The following RPAP2 variants were observed in gnomAD, a reference collection of about 807,000 sequenced individuals.
RPAP2 encodes putative RNA polymerase II subunit B1 CTD phosphatase RPAP2.
RPAP2 carries 52 observed loss-of-function variants against 73.1 expected under a neutral mutation model. That is an observed-to-expected ratio of 0.71 (90% confidence interval 0.57 to 0.90). RPAP2 has a LOEUF of 0.90. RPAP2 is among the 40% of genes least tolerant of loss of function. The pLI is 0.00. For missense variants in RPAP2, 598 were observed against 701.8 expected (o/e 0.85, Z 1.67); for synonymous variants, 225 against 242.1 (o/e 0.93, Z 0.65).
At position 92,344,360 on chromosome 1, in the gene RPAP2, A is replaced by G. The variant is rs1021514432; in HGVS notation, c.1620-1486A>G. Among the ~76,000 whole-genome samples the G allele has an allele frequency of 2.0e-5, 3 of 152,114 alleles. No homozygotes were observed. The East Asian group carries it at 5.8e-4, about 29-fold the overall frequency. ...GTGGAGGTTGCAGTGAGCTGAGAGC[A>G]TGCCACTGCACTCCAGCCTGGGTGA... is the stretch of plus-strand genomic sequence containing the variant. On this transcript the variant is annotated intron_variant, in intron 10 of 12. Coordinates refer to ENST00000610020, the MANE Select transcript of RPAP2 (RefSeq NM_024813.3).
At chr1:92,333,218 A>G (rs1653077891) in intron 8 of RPAP2, 173 bp from the exon 9 acceptor site, 8 of 569,600 alleles carry the variant, frequency 1.4e-5, no homozygotes, top group Middle Eastern at 4.8e-4. Flanking sequence ...AGAAGTTCAC[A>G]ACAGCCTAAC....
intron 11 of RPAP2, among the ~76,000 whole-genome samples, chr1:92,367,502 C>G (rs1214172772): frequency 6.6e-6 from 1 of 152,152 alleles, no homozygotes; most frequent in African/African-American, 2.4e-5. Context: ...CCTTCCCAGC[C>G]CTAACTTCTG....
Position 92,324,247 on chromosome 1 carries a change from A to G in RPAP2, c.1327A>G (p.Ile443Val). ...SLPFRGSGTA[I>V]KPLPSYENLK... ...ACCTTTTAGGGGCTCAGGTACAGCC[A>G]TTAAACCACTGCCAAGTTACGAGAA... Residue 443 changes from isoleucine to valine, a missense_variant, in exon 8 of 13, where the codon ATT becomes GTT. This residue lies in a region of RPAP2 where 506 missense variants were observed against 612.8 expected (regional missense o/e 0.83). Coordinates refer to ENST00000610020, the MANE Select transcript of RPAP2 (RefSeq NM_024813.3). 6.2e-7 allele frequency: 1 copy of G among 1,614,120 alleles called. No individual in the cohort carries two copies. The highest frequency in any genetic ancestry group is 8.5e-7 in the Non-Finnish European group (1 of 1,179,974).
chr1:92,300,378 C>T, intron 2 of RPAP2, 139 bp downstream of exon 2: 1 of 672,982 alleles, frequency 1.5e-6, no homozygotes, highest in South Asian at 1.9e-5. Flanking sequence ...CTGGGAAGGC[C>T]TATAAATTCT....
intron 11 of RPAP2, among the ~76,000 whole-genome samples, chr1:92,374,657 G>A (rs920910735): frequency 1.3e-5 from 2 of 152,128 alleles, no homozygotes; most frequent in Admixed American, 6.5e-5. Flanking sequence ...CATAGTAGGC[G>A]GATAAAATGT....
chr1:92,305,513 T>C (rs1225250445), intron 5 of RPAP2, among the ~76,000 whole-genome samples: 1 of 143,902 alleles, frequency 6.9e-6, no homozygotes, highest in Non-Finnish European at 1.5e-5. Flanking sequence ...TGGAAAATTA[T>C]AGGCCAAAGA....
At chr1:92,302,816 G>A (rs1434957694) in intron 3 of RPAP2, among the ~76,000 whole-genome samples, 4 of 151,570 alleles carry the variant, frequency 2.6e-5, no homozygotes, top group African/African-American at 9.7e-5. Context: ...TAGCCAGGAT[G>A]GTCTCGATTT....
At chr1:92,370,559 T>G (rs1655105966) in intron 11 of RPAP2, among the ~76,000 whole-genome samples, 1 of 152,198 alleles carries the variant, frequency 6.6e-6, no homozygotes. Context: ...AATTTAAGGT[T>G]TATTAACTGT....
chr1:92,331,691 T>A (rs1414113366), intron 8 of RPAP2, among the ~76,000 whole-genome samples: 1 of 152,176 alleles, frequency 6.6e-6, no homozygotes, highest in Non-Finnish European at 1.5e-5. Flanking sequence ...TGCAAGATTA[T>A]TTATAGCCAA....
In RPAP2 at chr1:92,354,988, T is replaced by C. The variant is rs546889260; in HGVS notation, c.1688+9074T>C. On this transcript the variant is annotated intron_variant, in intron 11 of 12. Coordinates refer to ENST00000610020, the MANE Select transcript of RPAP2 (RefSeq NM_024813.3). The stretch of plus-strand genomic sequence containing the variant: ...ATCTCAGCTCATTGCAATCTCTGCC[T>C]CCCAGGCTCAAGCAATCGTCCCACC... Among the ~76,000 whole-genome samples, 381 of 151,594 alleles carry C rather than the reference T, an allele frequency of 2.5e-3. 3 individuals are homozygous for C. The highest frequency in any genetic ancestry group is 9.4e-3 in the South Asian group (45 of 4,786).
intron 6 of RPAP2, among the ~76,000 whole-genome samples, chr1:92,317,379 G>A (rs1261789230): frequency 6.6e-6 from 1 of 151,812 alleles, no homozygotes; most frequent in African/African-American, 2.4e-5. Flanking sequence ...GTAGTGGCGG[G>A]TGCCTGTAAT....
intron 11 of RPAP2, among the ~76,000 whole-genome samples, chr1:92,373,739 T>TAAAAAAAAAAA (rs59586077): frequency 3.7e-5 from 3 of 80,538 alleles, no homozygotes; most frequent in Admixed American, 1.8e-4. Flanking sequence ...CTACTAAAAA[T>TAAAAAAAAAAA]AAAAAAAAAA....
intron 11 of RPAP2, chr1:92,363,915 C>T (rs553207348): frequency 6.1e-6 from 1 of 164,918 alleles, no homozygotes; most frequent in Non-Finnish European, 1.3e-5. Context: ...TGTTAATCGA[C>T]TGCTTATGTT....
At chr1:92,378,455 C>T (rs755156036) in intron 11 of RPAP2, among the ~76,000 whole-genome samples, 3 of 152,020 alleles carry the variant, frequency 2.0e-5, no homozygotes, top group East Asian at 1.9e-4. Flanking sequence ...CCAAATGATC[C>T]GCCCACCTCG....
chr1:92,306,663 T>C (rs1218953418), intron 5 of RPAP2, among the ~76,000 whole-genome samples: 3 of 151,830 alleles, frequency 2.0e-5, no homozygotes, highest in Non-Finnish European at 2.9e-5. Context: ...GGGCAACAAA[T>C]AGAGACCCCA....
At chr1:92,308,696 A>G (rs1406803475) in intron 6 of RPAP2, among the ~76,000 whole-genome samples, 2 of 152,204 alleles carry the variant, frequency 1.3e-5, no homozygotes, top group Admixed American at 1.3e-4. Flanking sequence ...GTAGTGGCTC[A>G]TGCCTATAAT....
chr1:92,308,834 C>A (rs1373993061), intron 6 of RPAP2, among the ~76,000 whole-genome samples: 1 of 152,044 alleles, frequency 6.6e-6, no homozygotes, highest in Non-Finnish European at 1.5e-5. Context: ...GTGGCGGGCA[C>A]CTGTAATCCC....
At position 92,401,276 on chromosome 1, in the gene RPAP2, C is replaced by T. The variant is rs973483031; in HGVS notation, c.*14265C>T. 11 of 152,192 alleles carry T rather than the reference C, an allele frequency of 7.2e-5. No individual in the cohort carries two copies. Among genetic ancestry groups the T allele is most frequent in the African/African-American group, 2.7e-4 (11 of 41,442 alleles). The allele number at this position is 152,192 out of a possible 1,614,324, so 9.4% of individuals were successfully genotyped here. The stretch of plus-strand genomic sequence containing the variant: ...ATCAATTCAATAAAAGCAGCAAACA[C>T]ACATACTTTGCTTTCCTTGTGATTA... On this transcript the variant is annotated 3_prime_UTR_variant, in exon 13 of 13. Coordinates refer to ENST00000610020, the MANE Select transcript of RPAP2 (RefSeq NM_024813.3).
Position 92,390,978 on chromosome 1 carries a change from A to G in RPAP2, c.*3967A>G, listed in dbSNP as rs1304305748. ...CACTGTCAATATTAGACAGATCAAC[A>G]AGACAGAAAATTAACAAAGATATCC... On this transcript the variant is annotated 3_prime_UTR_variant, in exon 13 of 13. Coordinates refer to ENST00000610020, the MANE Select transcript of RPAP2 (RefSeq NM_024813.3). 1 of 152,166 alleles carries G rather than the reference A, an allele frequency of 6.6e-6. No individual in the cohort carries two copies. Among genetic ancestry groups the G allele is most frequent in the Non-Finnish European group, 1.5e-5 (1 of 68,028 alleles). 9.4% of individuals were successfully genotyped at this position (152,166 alleles called of 1,614,324 possible).
Sources: gnomAD v4.1 joint callset for allele counts (sites outside exome capture counted in the v4.1 genomes callset) on GRCh38, gnomAD v4.1.1 for gene constraint, gnomAD v4.1.1 regional missense constraint, MANE v1.5 for transcripts, NCBI Gene and HGNC (gene_info 2026-07-23, HGNC 2026-07-21) for gene names.